The following ATRNL1 variants were observed in gnomAD, a reference collection of about 807,000 sequenced individuals.
ATRNL1 encodes the protein attractin like 1, also known as attractin-like protein 1.
In ATRNL1, 95 loss-of-function variants were observed where a neutral mutation model predicts 182.7. That is an observed-to-expected ratio of 0.52 (90% CI 0.44 to 0.62). ATRNL1 has a LOEUF of 0.62. Among genes scored for constraint, ATRNL1 ranks in the 20% least tolerant of loss-of-function variants. ATRNL1 has a pLI of 0.00. For synonymous variants in ATRNL1, 576 were observed against 568.3 expected, an observed-to-expected ratio of 1.01 and a Z score of -0.19; for missense variants, 1,471 against 1,679.5, an observed-to-expected ratio of 0.88 and a Z score of 2.17.
chr10:115,148,749 T>TTG (rs1846082843), intron 5 of ATRNL1, among the ~76,000 whole-genome samples: 1 of 149,370 alleles, frequency 6.7e-6, no homozygotes, highest in Non-Finnish European at 1.5e-5. Context: ...GATGCGTTTT[T>TTG]TTTTTTTTTT....
chr10:115,336,612 T>C (rs1855491875), intron 19 of ATRNL1, among the ~76,000 whole-genome samples: 1 of 152,352 alleles, frequency 6.6e-6, no homozygotes, highest in African/African-American at 2.4e-5. Flanking sequence ...GTATTTAATA[T>C]AAAATTGTGG....
chr10:115,604,220 G>A (rs1555016908), intron 26 of ATRNL1, among the ~76,000 whole-genome samples: 1 of 152,008 alleles, frequency 6.6e-6, no homozygotes, highest in Non-Finnish European at 1.5e-5. Flanking sequence ...TTTTTAATAA[G>A]CATTGAGTTT....
intron 28 of ATRNL1, among the ~76,000 whole-genome samples, chr10:115,903,975 A>G (rs1254566647): frequency 6.6e-5 from 10 of 152,070 alleles, no homozygotes; most frequent in Admixed American, 5.9e-4. Context: ...TTACTGGGGG[A>G]CATGCCTATG....
chr10:115,901,932 G>A (rs1952366267), intron 28 of ATRNL1, among the ~76,000 whole-genome samples: 1 of 152,038 alleles, frequency 6.6e-6, no homozygotes, highest in Non-Finnish European at 1.5e-5. Flanking sequence ...GTTAAAGATT[G>A]ACCTAGGAAA....
intron 27 of ATRNL1, among the ~76,000 whole-genome samples, chr10:115,789,246 A>T (rs1308899626): frequency 6.6e-6 from 1 of 152,174 alleles, no homozygotes; most frequent in Non-Finnish European, 1.5e-5. Flanking sequence ...TCCCATGTAA[A>T]TGAGAAAGGG....
intron 19 of ATRNL1, among the ~76,000 whole-genome samples, chr10:115,375,124 A>G (rs1391196768): frequency 1.3e-5 from 2 of 151,366 alleles, no homozygotes; most frequent in African/African-American, 4.8e-5. Flanking sequence ...GTCTTTTCAG[A>G]TCTATTAATA....
At chr10:115,917,481 A>AG (rs1952902520) in intron 28 of ATRNL1, among the ~76,000 whole-genome samples, 1 of 8,408 alleles carries the variant, frequency 1.2e-4, no homozygotes, top group African/African-American at 1.5e-4. Flanking sequence ...AAAAAAAAAA[A>AG]AAAAGAAAAA....
intron 26 of ATRNL1, among the ~76,000 whole-genome samples, chr10:115,567,646 A>C (rs181965320): frequency 1.9e-4 from 29 of 152,228 alleles, no homozygotes; most frequent in African/African-American, 6.7e-4. Flanking sequence ...TACTGATTCA[A>C]ATTCTATGTT....
At chr10:115,737,603 G>T (rs751008927) in intron 27 of ATRNL1, among the ~76,000 whole-genome samples, 7 of 151,994 alleles carry the variant, frequency 4.6e-5, no homozygotes, top group Non-Finnish European at 8.8e-5. Flanking sequence ...TATTTTCATT[G>T]TCACCAATTT....
At chr10:115,318,054 C>T (rs1223682940) in intron 18 of ATRNL1, among the ~76,000 whole-genome samples, 3 of 151,422 alleles carry the variant, frequency 2.0e-5, no homozygotes, top group Non-Finnish European at 3.0e-5. Context: ...CTCCTATTAT[C>T]GAGCTGTGTT....
chr10:115,773,509 A>G (rs1949044431), intron 27 of ATRNL1, among the ~76,000 whole-genome samples: 1 of 152,222 alleles, frequency 6.6e-6, no homozygotes. Flanking sequence ...CTAGTAATAT[A>G]TAAGATATAG....
intron 3 of ATRNL1, among the ~76,000 whole-genome samples, chr10:115,122,272 T>A (rs1844772039): frequency 6.6e-6 from 1 of 151,834 alleles, no homozygotes; most frequent in Non-Finnish European, 1.5e-5. Context: ...CTACCAATTG[T>A]CAAAATGTGA....
intron 19 of ATRNL1, among the ~76,000 whole-genome samples, chr10:115,339,041 G>A (rs1564930283): frequency 1.3e-5 from 2 of 152,052 alleles, no homozygotes; most frequent in South Asian, 2.1e-4. Context: ...TAGCTGTGTC[G>A]ATTTGTTTCT....
intron 9 of ATRNL1, among the ~76,000 whole-genome samples, chr10:115,231,113 T>C (rs1849932702): frequency 6.6e-6 from 1 of 152,210 alleles, no homozygotes; most frequent in Admixed American, 6.6e-5. Context: ...AATAGGTGGC[T>C]GGATGTAGGA....
At chr10:115,556,924 T>C (rs1853348503) in intron 26 of ATRNL1, among the ~76,000 whole-genome samples, 1 of 151,342 alleles carries the variant, frequency 6.6e-6, no homozygotes, top group African/African-American at 2.4e-5. Context: ...CATTCTACTG[T>C]TCCATCCCCA....
chr10:115,346,998 A>G (rs1219635583), intron 19 of ATRNL1, among the ~76,000 whole-genome samples: 13 of 152,290 alleles, frequency 8.5e-5, no homozygotes, highest in African/African-American at 3.1e-4. Context: ...GTAATATATG[A>G]ATGGCTCTAT....
At chr10:115,613,861 T>C (rs562094190) in intron 26 of ATRNL1, among the ~76,000 whole-genome samples, 2 of 152,190 alleles carry the variant, frequency 1.3e-5, no homozygotes, top group South Asian at 4.1e-4. Flanking sequence ...ATATCAGTTA[T>C]AATATCTCCT....
chr10:115,229,042 C>T lies in ATRNL1; in HGVS notation c.1533-12529C>T, dbSNP rs7914237. ...TCGACCTCCTGTAGTGCTGAGATTA[C>T]AGGCATGAGCCACCATGCTTGCCCA... On this transcript the variant is annotated intron_variant, in intron 9 of 28. Transcript: ENST00000355044. Among the ~76,000 whole-genome samples, 1,077 of 152,198 alleles carry T rather than the reference C, an allele frequency of 7.1e-3. 12 individuals are homozygous for T. Among genetic ancestry groups the T allele is most frequent in the African/African-American group, 0.025 (1,036 of 41,528 alleles).
At chr10:115,328,235 A>G (rs1393181209) in intron 18 of ATRNL1, among the ~76,000 whole-genome samples, 1 of 152,206 alleles carries the variant, frequency 6.6e-6, no homozygotes, top group East Asian at 1.9e-4. Context: ...TACTTTAGTA[A>G]GATACCCATC....
Sources: allele counts gnomAD v4.1 joint callset (sites outside exome capture counted in the v4.1 genomes callset), GRCh38; gene constraint gnomAD v4.1.1; transcripts MANE v1.5; gene names NCBI Gene and HGNC (gene_info 2026-07-23, HGNC 2026-07-21).